The following SORCS2 variants were observed in gnomAD, a reference collection of about 807,000 sequenced individuals.
SORCS2 encodes sortilin related VPS10 domain containing receptor 2.
In SORCS2, 100 loss-of-function variants were observed where a neutral mutation model predicts 141.6. The observed-to-expected ratio is 0.71, with a 90% CI of 0.60 to 0.83. SORCS2 has a LOEUF of 0.83. Ranked by LOEUF, SORCS2 falls within the 40% of genes least tolerant of loss-of-function variation. The probability of loss-of-function intolerance (pLI) is 0.00; values close to 1 mark genes in which losing one functional copy is unlikely to be tolerated. For missense variants in SORCS2, 1,646 were observed against 1,560.2 expected (o/e 1.05, Z -0.93); for synonymous variants, 789 against 676.9 (o/e 1.17, Z -2.57).
chr4:7,734,230 G>A, intron 24 of SORCS2, 42 bp from the exon 25 acceptor site: 1 of 1,456,742 alleles, frequency 6.9e-7, no homozygotes, highest in Admixed American at 1.9e-5. Context: ...ACAGGGATGG[G>A]CGGTGCCCGA....
chr4:7,503,621 G>C (rs1732104192), intron 2 of SORCS2, among the ~76,000 whole-genome samples: 1 of 152,188 alleles, frequency 6.6e-6, no homozygotes, highest in African/African-American at 2.4e-5. Context: ...GTATACCCAG[G>C]ATGCAGGGAG....
At chr4:7,597,368 C>CTATTGAAA (rs1290913663) in intron 3 of SORCS2, among the ~76,000 whole-genome samples, 13 of 140,260 alleles carry the variant, frequency 9.3e-5, no homozygotes, top group Non-Finnish European at 2.0e-4. Flanking sequence ...AGAGAGGGGG[C>CTATTGAAA]TGTGCAATAG....
At chr4:7,421,425 T>A (rs1684219903) in intron 2 of SORCS2, among the ~76,000 whole-genome samples, 2 of 152,190 alleles carry the variant, frequency 1.3e-5, no homozygotes, top group Admixed American at 1.3e-4. Flanking sequence ...CCTCTGAGCC[T>A]GGTTTACTGC....
chr4:7,569,356 C>T (rs1224503910), intron 3 of SORCS2, among the ~76,000 whole-genome samples: 1 of 152,062 alleles, frequency 6.6e-6, no homozygotes, highest in African/African-American at 2.4e-5. Context: ...ACTAAAGATA[C>T]AAAAAATTAG....
chr4:7,481,793 A>G (rs369230337), intron 2 of SORCS2, among the ~76,000 whole-genome samples: 3 of 152,184 alleles, frequency 2.0e-5, no homozygotes, highest in African/African-American at 7.2e-5. Context: ...TGCTGCCAGA[A>G]CAGAGGAGGG....
intron 1 of SORCS2, among the ~76,000 whole-genome samples, chr4:7,204,990 T>C (rs1388603658): frequency 1.3e-5 from 2 of 152,256 alleles, no homozygotes; most frequent in South Asian, 2.1e-4. Flanking sequence ...GACTACCTCA[T>C]TGACCAGTTA....
At chr4:7,391,712 C>T (rs1189220365) in intron 1 of SORCS2, among the ~76,000 whole-genome samples, 5 of 152,156 alleles carry the variant, frequency 3.3e-5, no homozygotes, top group African/African-American at 4.8e-5. Flanking sequence ...GGTCTGTCCC[C>T]GCCAAACCCT....
At chr4:7,686,675 TGCCA>T (rs1723898677) in intron 10 of SORCS2, among the ~76,000 whole-genome samples, 1 of 152,242 alleles carries the variant, frequency 6.6e-6, no homozygotes, top group African/African-American at 2.4e-5. Context: ...CGCACTGGCC[TGCCA>T]CCTGTGCAGG....
intron 11 of SORCS2, among the ~76,000 whole-genome samples, chr4:7,692,672 G>A (rs1276724853): frequency 2.0e-5 from 3 of 152,126 alleles, no homozygotes; most frequent in African/African-American, 7.2e-5. Context: ...TCCTGATGCC[G>A]AGTGTTCCTA....
At chr4:7,676,829 C>CTGCCTT (rs1560475629) in intron 9 of SORCS2, among the ~76,000 whole-genome samples, 2 of 140,420 alleles carry the variant, frequency 1.4e-5, no homozygotes, top group East Asian at 4.3e-4. Context: ...CTCTCTCTCT[C>CTGCCTT]CCTCTCTCCA....
chr4:7,703,988 C>T (rs190988756), intron 13 of SORCS2, among the ~76,000 whole-genome samples, 189 bp from the exon 14 acceptor site: 1 of 152,216 alleles, frequency 6.6e-6, no homozygotes, highest in Non-Finnish European at 1.5e-5. Flanking sequence ...CAGTACAATG[C>T]AGATAAGCAG....
intron 3 of SORCS2, among the ~76,000 whole-genome samples, chr4:7,597,981 T>G (rs1297100838): frequency 6.7e-6 from 1 of 149,372 alleles, no homozygotes; most frequent in Non-Finnish European, 1.5e-5. Flanking sequence ...TTTTTTTTTT[T>G]TTTTTAATAT....
chr4:7,348,811 C>T (rs1720781464), intron 1 of SORCS2, among the ~76,000 whole-genome samples: 1 of 152,164 alleles, frequency 6.6e-6, no homozygotes, highest in Non-Finnish European at 1.5e-5. Flanking sequence ...CGTCAGTCTC[C>T]CAAAGTGCAG....
At chr4:7,538,974 C>G (rs1020544985) in intron 3 of SORCS2, among the ~76,000 whole-genome samples, 3 of 152,234 alleles carry the variant, frequency 2.0e-5, no homozygotes, top group African/African-American at 7.2e-5. Flanking sequence ...CAGCCCTGTT[C>G]TCTAATCTCT....
chr4:7,580,006 C>T (rs747453270), intron 3 of SORCS2, among the ~76,000 whole-genome samples: 1 of 152,084 alleles, frequency 6.6e-6, no homozygotes, highest in Non-Finnish European at 1.5e-5. Flanking sequence ...TGCTTGGAGT[C>T]TGCAAGTAGA....
At chr4:7,255,887 G>A (rs13146426) in intron 1 of SORCS2, among the ~76,000 whole-genome samples, 63 of 20,312 alleles carry the variant, frequency 3.1e-3, no homozygotes, top group South Asian at 0.012. Context: ...GGGCTGGAGC[G>A]TGGGGACCCG....
At chr4:7,580,279 T>C (rs1716054032) in intron 3 of SORCS2, among the ~76,000 whole-genome samples, 1 of 152,152 alleles carries the variant, frequency 6.6e-6, no homozygotes, top group South Asian at 2.1e-4. Flanking sequence ...GCCAGGAGTT[T>C]GAGACCAGCC....
chr4:7,536,086 G>C (rs1009308846), intron 3 of SORCS2, among the ~76,000 whole-genome samples: 6 of 152,222 alleles, frequency 3.9e-5, no homozygotes, highest in Admixed American at 1.3e-4. Context: ...GTGCTGAGTG[G>C]GGCTAGGGAC....
At chr4:7,580,213 G>A (rs1716050606) in intron 3 of SORCS2, among the ~76,000 whole-genome samples, 1 of 152,322 alleles carries the variant, frequency 6.6e-6, no homozygotes, top group South Asian at 2.1e-4. Context: ...TGGGTGTGGT[G>A]GCTCATGCCT....
Sources: gnomAD v4.1 joint callset for allele counts (sites outside exome capture counted in the v4.1 genomes callset) on GRCh38, gnomAD v4.1.1 for gene constraint, MANE v1.5 for transcripts, NCBI Gene and HGNC (gene_info 2026-07-23, HGNC 2026-07-21) for gene names.